The following VPS13D variants were observed in gnomAD, a reference collection of about 807,000 sequenced individuals.
VPS13D encodes the protein vacuolar protein sorting 13 homolog D.
A neutral mutation model predicts 461.9 loss-of-function variants in VPS13D; 187 were observed. The observed-to-expected ratio is 0.40, with a 90% CI of 0.36 to 0.46. VPS13D has a LOEUF of 0.46. VPS13D is among the 20% of genes least tolerant of loss of function. VPS13D has a pLI of 0.60. For synonymous variants in VPS13D, 1,951 were observed against 1,986.3 expected, an observed-to-expected ratio of 0.98 and a Z score of 0.47; for missense variants, 4,711 against 5,364.9, an observed-to-expected ratio of 0.88 and a Z score of 3.81.
chr1:12,349,638 A>C (rs1029603144), intron 46 of VPS13D, among the ~76,000 whole-genome samples: 1 of 152,210 alleles, frequency 6.6e-6, no homozygotes, highest in Non-Finnish European at 1.5e-5. Flanking sequence ...TGTGTTGTAC[A>C]ACAGCATAAA....
chr1:12,456,044 G>A lies in VPS13D; in HGVS notation c.12380G>A (p.Arg4127Gln), dbSNP rs376979192. 2 of 1,613,418 alleles carry A rather than the reference G, an allele frequency of 1.2e-6. No homozygotes were observed. Among genetic ancestry groups the A allele is most frequent in the Non-Finnish European group, 1.7e-6 (2 of 1,179,696 alleles). The change falls in exon 66 of 70, where the codon CGG becomes CAG. Residue 4127 changes from arginine to glutamine, a missense_variant. Coordinates refer to ENST00000620676, the MANE Select transcript of VPS13D (RefSeq NM_015378.4). ...GGCTTAGGGAAGACGATGGACAATC[G>A]GCATCAGTCAGAGCGGGAGTACATC... is the stretch of plus-strand genomic sequence containing the variant. ...SDGLGKTMDN[R>Q]HQSEREYIRY...
chr1:12,367,561 T>G (rs1341700566), intron 52 of VPS13D: 1 of 150,722 alleles, frequency 6.6e-6, no homozygotes, highest in Non-Finnish European at 1.5e-5. Flanking sequence ...GAAATTTATT[T>G]ATTTATTTAT....
intron 67 of VPS13D, among the ~76,000 whole-genome samples, chr1:12,468,831 G>A (rs370024066): frequency 3.9e-5 from 6 of 152,242 alleles, no homozygotes; most frequent in Admixed American, 6.5e-5. Flanking sequence ...TCACAAGCTC[G>A]AGACCAGCCT....
rs191686164 is a variant in VPS13D, at chr1:12,433,983, G to C, written c.12333+17156G>C. Among the ~76,000 whole-genome samples the C allele has an allele frequency of 1.8e-3, 274 of 148,410 alleles. 5 individuals are homozygous for C. The highest frequency in any genetic ancestry group is 6.6e-3 in the African/African-American group (265 of 40,206). ...GTGTGTGTGTGTGGAGGAGGAGGAG[G>C]AGGAAAGAAGTTTGAAGTGCATTCC... On this transcript the variant is annotated intron_variant, in intron 65 of 69. Transcript: ENST00000620676.
intron 65 of VPS13D, among the ~76,000 whole-genome samples, chr1:12,418,008 G>A: frequency 6.6e-6 from 1 of 152,138 alleles, no homozygotes; most frequent in East Asian, 1.9e-4. Flanking sequence ...CCGAGTTCAA[G>A]CAACTCTCCT....
chr1:12,492,856 G>C (rs1160171018), intron 67 of VPS13D, among the ~76,000 whole-genome samples: 2 of 152,212 alleles, frequency 1.3e-5, no homozygotes, highest in East Asian at 1.9e-4. Flanking sequence ...TTAGCAATGT[G>C]ACAGCGACAT....
chr1:12,388,377 C>T (rs1227912076), intron 60 of VPS13D, among the ~76,000 whole-genome samples: 1 of 152,034 alleles, frequency 6.6e-6, no homozygotes, highest in Non-Finnish European at 1.5e-5. Context: ...GAGTTCGGGA[C>T]CAGCCTGGCC....
chr1:12,466,928 A>G (rs2100436610), intron 67 of VPS13D, among the ~76,000 whole-genome samples: 1 of 152,248 alleles, frequency 6.6e-6, no homozygotes, highest in East Asian at 1.9e-4. Flanking sequence ...CAGTAGATAT[A>G]GTGACAGTCC....
intron 65 of VPS13D, among the ~76,000 whole-genome samples, chr1:12,419,778 T>C (rs1410027630): frequency 1.3e-5 from 2 of 152,214 alleles, no homozygotes; most frequent in African/African-American, 4.8e-5. Flanking sequence ...CACCATACTA[T>C]ATCACATTGC....
intron 47 of VPS13D, among the ~76,000 whole-genome samples, chr1:12,354,449 ACTTG>A (rs1643868771): frequency 6.6e-6 from 1 of 152,094 alleles, no homozygotes; most frequent in South Asian, 2.1e-4. Context: ...CGGGAAGATT[ACTTG>A]AGTCTAGAAG....
chr1:12,378,028 T>C (rs1291335946), intron 55 of VPS13D, among the ~76,000 whole-genome samples: 1 of 152,148 alleles, frequency 6.6e-6, no homozygotes, highest in South Asian at 2.1e-4. Flanking sequence ...ATAGTCTTTA[T>C]GTAATTGCAC....
rs72869522 is a variant in VPS13D, at chr1:12,494,879, G to A, written c.12663-2621G>A. On this transcript the variant is annotated intron_variant, in intron 67 of 69. Coordinates refer to ENST00000620676, the MANE Select transcript of VPS13D (RefSeq NM_015378.4). ...GTCTTCAAACTCTCCACCAAAGCTT[G>A]CATACTGGCCTTCCTGTTTAGCTCA... Among the ~76,000 whole-genome samples the A allele has an allele frequency of 3.2e-3, 490 of 152,294 alleles. 2 individuals carry two copies. The highest frequency in any genetic ancestry group is 0.011 in the African/African-American group (457 of 41,554).
intron 65 of VPS13D, among the ~76,000 whole-genome samples, chr1:12,444,460 T>G (rs1030518830): frequency 2.0e-5 from 3 of 152,178 alleles, no homozygotes; most frequent in Non-Finnish European, 4.4e-5. Flanking sequence ...TTAAATATTG[T>G]TTCTGCCCCC....
chr1:12,309,524 T>A (rs758969803), intron 27 of VPS13D, among the ~76,000 whole-genome samples: 16 of 144,104 alleles, frequency 1.1e-4, no homozygotes, highest in Non-Finnish European at 1.8e-4. Context: ...CTTTGGGAGG[T>A]CGAGGCGGCA....
chr1:12,484,131 A>G (rs1645763167), intron 67 of VPS13D, among the ~76,000 whole-genome samples: 1 of 152,248 alleles, frequency 6.6e-6, no homozygotes, highest in African/African-American at 2.4e-5. Context: ...TTCCTGTTGT[A>G]AAACGTGACC....
intron 60 of VPS13D, among the ~76,000 whole-genome samples, chr1:12,397,521 A>G (rs1310004495): frequency 6.6e-6 from 1 of 152,158 alleles, no homozygotes; most frequent in Admixed American, 6.5e-5. Context: ...TTTGGATGAG[A>G]TAGGTAATGA....
At position 12,382,967 on chromosome 1, in the gene VPS13D, G is replaced by A. The variant is rs1644302355; in HGVS notation, c.11191-9G>A. The A allele has an allele frequency of 2.5e-6, 4 of 1,610,314 alleles. No individual in the cohort carries two copies. The African/African-American group carries it at 5.4e-5, about 22-fold the overall frequency. On this transcript the variant is annotated splice_polypyrimidine_tract_variant and intron_variant, in intron 57 of 69. Coordinates refer to ENST00000620676, the MANE Select transcript of VPS13D (RefSeq NM_015378.4). ...TTTTCTCACATGTCTCTACTCCAAT[G>A]TCTTTTAGGCCAAAGGAGGACTTTC...
intron 13 of VPS13D, 76 bp downstream of exon 13, chr1:12,262,156 C>T: frequency 6.7e-7 from 1 of 1,485,764 alleles, no homozygotes. Flanking sequence ...TCATTATTTG[C>T]TGTGGGGATA....
chr1:12,476,451 C>T (rs755387419), intron 67 of VPS13D, among the ~76,000 whole-genome samples: 16 of 152,352 alleles, frequency 1.1e-4, no homozygotes, highest in Non-Finnish European at 1.6e-4. Context: ...ACACACTCAA[C>T]GCCTAATGGA....
Sources: gnomAD v4.1 joint callset for allele counts (sites outside exome capture counted in the v4.1 genomes callset) on GRCh38, gnomAD v4.1.1 for gene constraint, MANE v1.5 for transcripts, NCBI Gene and HGNC (gene_info 2026-07-23, HGNC 2026-07-21) for gene names.